The following PGBD5 variants were observed in gnomAD, a reference collection of about 807,000 sequenced individuals.
PGBD5 encodes the protein piggyBac transposable element derived 5.
In PGBD5, 14 loss-of-function variants were observed where a neutral mutation model predicts 47.9. That is an observed-to-expected ratio of 0.29 (90% CI 0.19 to 0.46). The LOEUF (loss-of-function observed/expected upper bound fraction) is 0.46. Ranked by LOEUF, PGBD5 falls within the 20% of genes least tolerant of loss-of-function variation. The probability of loss-of-function intolerance (pLI) is 1.00; values close to 1 mark genes in which losing one functional copy is unlikely to be tolerated. For missense variants in PGBD5, 635 were observed against 716.0 expected, an observed-to-expected ratio of 0.89 and a Z score of 1.29; for synonymous variants, 316 against 306.3, an observed-to-expected ratio of 1.03 and a Z score of -0.33.
intron 1 of PGBD5, among the ~76,000 whole-genome samples, chr1:230,415,522 A>G (rs1657493790): frequency 6.6e-6 from 1 of 152,194 alleles, no homozygotes; most frequent in South Asian, 2.1e-4. Flanking sequence ...TTGAAACATC[A>G]AAATTGAATT....
rs1667667746 is a variant in PGBD5 at position 230,357,368 on chromosome 1, C to A, written c.332-47G>T. On this transcript the variant is annotated intron_variant, in intron 1 of 6. Coordinates refer to ENST00000391860, the MANE Select transcript of PGBD5 (RefSeq NM_001258311.2). The surrounding 1 kb of genome is among the most constrained non-coding windows in gnomAD (Gnocchi z 5.7). ...AGTGTTCCTTAGGACGGCCGCCACA[C>A]CCTGACTCGACACGAGAACGGCTGC... 6.3e-7 allele frequency: 1 copy of A among 1,577,264 alleles called. No individual in the cohort carries two copies. The highest frequency in any genetic ancestry group is 8.6e-7 in the Non-Finnish European group (1 of 1,156,334).
intron 1 of PGBD5, among the ~76,000 whole-genome samples, chr1:230,406,734 T>G (rs1657305550): frequency 6.6e-6 from 1 of 152,226 alleles, no homozygotes; most frequent in African/African-American, 2.4e-5. Flanking sequence ...TCAAGAAACA[T>G]TCCTATTTGC....
At chr1:230,328,230 C>T (rs1043559751) in intron 5 of PGBD5, among the ~76,000 whole-genome samples, 32 of 152,330 alleles carry the variant, frequency 2.1e-4, no homozygotes, top group Admixed American at 1.8e-3. Flanking sequence ...TACCTCACCA[C>T]GGGACATGGG....
intron 1 of PGBD5, among the ~76,000 whole-genome samples, chr1:230,421,730 G>C (rs556819349): frequency 3.3e-5 from 5 of 152,298 alleles, no homozygotes; most frequent in African/African-American, 1.2e-4. Flanking sequence ...TCTTGCACTT[G>C]ATTACTATGT....
At chr1:230,327,380 G>A (rs1392115580) in intron 5 of PGBD5, among the ~76,000 whole-genome samples, 2 of 152,216 alleles carry the variant, frequency 1.3e-5, no homozygotes, top group African/African-American at 4.8e-5. Context: ...CCGTGGCTGA[G>A]GAGACCAGGG....
intron 1 of PGBD5, among the ~76,000 whole-genome samples, chr1:230,389,661 G>T (rs1221043434): frequency 2.0e-5 from 3 of 152,156 alleles, no homozygotes; most frequent in African/African-American, 7.2e-5. Context: ...GAATACAGTT[G>T]AGAGAGCTGT....
At chr1:230,329,971 C>CT (rs1005758783) in intron 5 of PGBD5, among the ~76,000 whole-genome samples, 5 of 152,036 alleles carry the variant, frequency 3.3e-5, no homozygotes, top group Non-Finnish European at 7.4e-5. Flanking sequence ...GAAATGAAAA[C>CT]TTTTTTTTAT....
chr1:230,422,719 G>A (rs1558217825), intron 1 of PGBD5, among the ~76,000 whole-genome samples: 2 of 152,148 alleles, frequency 1.3e-5, no homozygotes, highest in African/African-American at 2.4e-5. Flanking sequence ...GCTGATCTAG[G>A]AAGCTAAATA....
At chr1:230,369,183 C>G (rs541908302) in intron 1 of PGBD5, among the ~76,000 whole-genome samples, 13 of 152,326 alleles carry the variant, frequency 8.5e-5, no homozygotes, top group African/African-American at 3.1e-4. Flanking sequence ...CAAGGTGAAC[C>G]CAGAACGTGG....
rs368739840 is a variant in PGBD5 at position 230,419,586 on chromosome 1, TAAAAC to T, written c.331+6007_331+6011del. Among the ~76,000 whole-genome samples the T allele has an allele frequency of 8.1e-3, 1,224 of 152,020 alleles. 16 individuals carry two copies. The highest frequency in any genetic ancestry group is 0.028 in the African/African-American group (1,180 of 41,486). ...GGTGAAAAGTAAATACAAAATAAAA[TAAAAC>T]AAAATACTCCTCTAAGAGCCATCTT... On this transcript the variant is annotated intron_variant, in intron 1 of 6. Transcript: ENST00000391860.
chr1:230,367,209 T>C (rs1483144344), intron 1 of PGBD5, among the ~76,000 whole-genome samples: 1 of 152,148 alleles, frequency 6.6e-6, no homozygotes, highest in African/African-American at 2.4e-5. Context: ...GGGCCGCTGT[T>C]TCTTCAGGCT....
intron 1 of PGBD5, among the ~76,000 whole-genome samples, chr1:230,397,218 A>C (rs1360077005): frequency 6.6e-6 from 1 of 152,198 alleles, no homozygotes; most frequent in Non-Finnish European, 1.5e-5. Context: ...CCCGCTCAGA[A>C]ATCTGGATGC....
chr1:230,333,160 G>T, intron 4 of PGBD5, 119 bp from the exon 5 acceptor site: 1 of 1,061,094 alleles, frequency 9.4e-7, no homozygotes. Context: ...CTGATGCTTG[G>T]GAGTCAGACC....
chr1:230,379,891 G>C (rs1668066148), intron 1 of PGBD5, among the ~76,000 whole-genome samples: 1 of 152,246 alleles, frequency 6.6e-6, no homozygotes. Context: ...GAAGAAAACT[G>C]AAGCCAGAGA....
At chr1:230,406,898 C>T (rs996695732) in intron 1 of PGBD5, among the ~76,000 whole-genome samples, 1 of 152,198 alleles carries the variant, frequency 6.6e-6, no homozygotes, top group Non-Finnish European at 1.5e-5. Flanking sequence ...TGCAATGGCG[C>T]AATCTTCGCT....
chr1:230,400,107 C>T (rs1657097877), intron 1 of PGBD5, among the ~76,000 whole-genome samples: 1 of 152,228 alleles, frequency 6.6e-6, no homozygotes, highest in Non-Finnish European at 1.5e-5. Context: ...GCCCCGCCTC[C>T]ACCCTGCAGC....
chr1:230,417,494 C>T (rs1447042468), intron 1 of PGBD5, among the ~76,000 whole-genome samples: 1 of 152,254 alleles, frequency 6.6e-6, no homozygotes, highest in African/African-American at 2.4e-5. Flanking sequence ...CTAAGAAAGT[C>T]TCAAGTAAGG....
intron 1 of PGBD5, among the ~76,000 whole-genome samples, chr1:230,379,093 G>A (rs1008943500): frequency 3.9e-5 from 6 of 152,112 alleles, no homozygotes; most frequent in African/African-American, 1.2e-4. Context: ...CATGACTTCC[G>A]ATTCTTACTT....
In PGBD5 at chr1:230,322,632, A is replaced by C. The variant is rs538933477; in HGVS notation, c.*793T>G. 3.3e-5 allele frequency: 5 copies of C among 153,266 alleles called. No individual in the cohort carries two copies. Among genetic ancestry groups the C allele is most frequent in the African/African-American group, 1.2e-4 (5 of 41,592 alleles). The allele number at this position is 153,266 out of a possible 1,614,324, so 9.5% of individuals were successfully genotyped here. Reference sequence around the variant, plus strand: ...AACACAGAACTGTGATCATGCAAAGAGCCGTGACTGAGGCCGGGGTCAGCG... The same window carrying C: ...AACACAGAACTGTGATCATGCAAAGCGCCGTGACTGAGGCCGGGGTCAGCG... On this transcript the variant is annotated 3_prime_UTR_variant, in exon 7 of 7. Coordinates refer to ENST00000391860, the MANE Select transcript of PGBD5 (RefSeq NM_001258311.2). This position sits in a 1 kb window ranked among gnomAD's most constrained non-coding sequence, Gnocchi z 5.9.
Sources: allele counts gnomAD v4.1 joint callset (sites outside exome capture counted in the v4.1 genomes callset), GRCh38; gene constraint gnomAD v4.1.1; non-coding constraint Gnocchi (gnomAD v3.1); transcripts MANE v1.5; gene names NCBI Gene and HGNC (gene_info 2026-07-23, HGNC 2026-07-21).